The following PKP1 variants were observed in gnomAD, a reference collection of about 807,000 sequenced individuals.
The protein encoded by PKP1 is plakophilin-1.
A neutral mutation model predicts 76.4 loss-of-function variants in PKP1; 27 were observed. The ratio of observed to expected loss-of-function variants is 0.35; its 90% CI spans 0.26 to 0.49. The LOEUF (loss-of-function observed/expected upper bound fraction) is 0.49. Ranked by LOEUF, PKP1 falls within the 20% of genes least tolerant of loss-of-function variation. PKP1 has a pLI of 0.99. For missense variants in PKP1, 964 were observed against 955.2 expected (o/e 1.01, Z -0.12); for synonymous variants, 404 against 384.2 (o/e 1.05, Z -0.60).
At chr1:201,322,205 C>CAGAGGAAAGGGCAGA in intron 8 of PKP1, 72 bp downstream of exon 8, 1 of 1,539,178 alleles carries the variant, frequency 6.5e-7, no homozygotes, top group Non-Finnish European at 8.8e-7. Flanking sequence ...CTCATCTGCC[C>CAGAGGAAAGGGCAGA]TTTCCTCTGG....
intron 1 of PKP1, among the ~76,000 whole-genome samples, chr1:201,291,294 G>A (rs1655910046): frequency 6.6e-6 from 1 of 152,296 alleles, no homozygotes; most frequent in South Asian, 2.1e-4. Flanking sequence ...GCCTGGAAGG[G>A]CCTGCAGGCC....
At chr1:201,286,822 C>T (rs1002749156) in intron 1 of PKP1, among the ~76,000 whole-genome samples, 5 of 152,188 alleles carry the variant, frequency 3.3e-5, no homozygotes, top group Non-Finnish European at 5.9e-5. Flanking sequence ...GGGGATGTCA[C>T]CACCCAGCAA....
rs778090662 is a variant in PKP1 at position 201,317,651 on chromosome 1, G to A, written c.926G>A (p.Gly309Glu). The A allele has an allele frequency of 5.6e-6, 9 of 1,613,878 alleles. No homozygotes were observed. The East Asian group carries it at 2.0e-4, about 36-fold the overall frequency. ...CAGAACGTCCAGCAGGCCGCGGCAGGGGCCCTGCGCAACCTGGTGTTCAGG... is the reference window on the plus strand; with the variant it reads ...CAGAACGTCCAGCAGGCCGCGGCAGAGGCCCTGCGCAACCTGGTGTTCAGG... Reference protein sequence around the residue: ...PNQNVQQAAAGALRNLVFRST... With the variant: ...PNQNVQQAAAEALRNLVFRST... The change falls in exon 5 of 14, where the codon GGG (glycine) becomes GAG (glutamate). Residue 309 changes from glycine (G) to glutamate (E), a missense_variant. Gly to Glu is a moderately conservative substitution (Grantham distance 98). Coordinates refer to ENST00000367324, the MANE Select transcript of PKP1 (RefSeq NM_001005337.3).
chr1:201,314,554 C>G (rs977535179), intron 3 of PKP1, among the ~76,000 whole-genome samples: 1 of 152,210 alleles, frequency 6.6e-6, no homozygotes, highest in African/African-American at 2.4e-5. Context: ...AGCACAACTC[C>G]TGTGCATACA....
chr1:201,313,151 C>A lies in PKP1; in HGVS notation c.307-15C>A. On this transcript the variant is annotated splice_polypyrimidine_tract_variant and intron_variant, in intron 2 of 13. Coordinates refer to ENST00000367324, the MANE Select transcript of PKP1 (RefSeq NM_001005337.3). ...TAGGAACCTTGACTGAGCTTTTCTC[C>A]CTTTCCCTGGCCAGATCTACAATGG... 1 of 1,609,060 alleles carries A rather than the reference C, an allele frequency of 6.2e-7. No individual in the cohort carries two copies. Among genetic ancestry groups the A allele is most frequent in the South Asian group, 1.1e-5 (1 of 90,140 alleles).
Position 201,318,604 on chromosome 1 carries a change from T to C in PKP1, c.1055-14T>C, listed in dbSNP as rs1656841852. 1.2e-6 allele frequency: 2 copies of C among 1,611,714 alleles called. No homozygotes were observed. The highest frequency in any genetic ancestry group is 1.7e-5 in the Admixed American group (1 of 60,002). On this transcript the variant is annotated splice_polypyrimidine_tract_variant and intron_variant, in intron 5 of 13. Transcript: ENST00000367324. ...AGCCTGGCACAAATTGGGTTGATGG[T>C]CTCTGACCCCCAGGGCTGCTCTGGA...
intron 1 of PKP1, among the ~76,000 whole-genome samples, chr1:201,285,885 G>A (rs1655719292): frequency 1.3e-5 from 2 of 152,214 alleles, no homozygotes; most frequent in Admixed American, 6.5e-5. Flanking sequence ...GGGGAGGGTT[G>A]ATGCTGATGG....
chr1:201,285,329 T>C (rs746638400), intron 1 of PKP1, among the ~76,000 whole-genome samples: 4 of 150,992 alleles, frequency 2.6e-5, no homozygotes, highest in Admixed American at 6.6e-5. Context: ...CATTCCTGAG[T>C]GGCCCCTTGT....
intron 12 of PKP1, among the ~76,000 whole-genome samples, 178 bp downstream of exon 12, chr1:201,326,016 C>G (rs1657118147): frequency 1.3e-5 from 2 of 152,162 alleles, no homozygotes; most frequent in Non-Finnish European, 2.9e-5. Context: ...GATCAAGTCT[C>G]TGGGCTCTGA....
intron 2 of PKP1, among the ~76,000 whole-genome samples, chr1:201,303,942 C>G (rs1656303859): frequency 6.6e-6 from 1 of 152,180 alleles, no homozygotes; most frequent in Non-Finnish European, 1.5e-5. Context: ...CCGAGGTGAC[C>G]TGCCCCACGC....
In PKP1 at chr1:201,324,497, C is replaced by A; in HGVS notation, c.1750C>A (p.Gln584Lys). ...CCTGCCACAAATTGCCCGCCTCCTGCAATCTGGCAACTCTGATGTGGTGCG... is the reference window on the plus strand; with the variant it reads ...CCTGCCACAAATTGCCCGCCTCCTGAAATCTGGCAACTCTGATGTGGTGCG... ...KGLPQIARLL[Q>K]SGNSDVVRSG... Residue 584 changes from glutamine to lysine, a missense_variant, in exon 10 of 14, where the codon CAA becomes AAA. By Grantham distance (53) the Gln-to-Lys change is moderately conservative. Coordinates refer to ENST00000367324, the MANE Select transcript of PKP1 (RefSeq NM_001005337.3). The A allele has an allele frequency of 6.2e-7, 1 of 1,614,156 alleles. No individual in the cohort carries two copies. Among genetic ancestry groups the A allele is most frequent in the East Asian group, 2.2e-5 (1 of 44,878 alleles).
Position 201,325,797 on chromosome 1 carries a change from G to A in PKP1, c.2065G>A (p.Asp689Asn). The A allele has an allele frequency of 6.2e-7, 1 of 1,614,118 alleles. No homozygotes were observed. ...AAEAARLLLS[D>N]MWSSKELQGV... ...AGAAGCTGCCCGGCTTCTCCTGTCT[G>A]ACATGTGGTCCAGCAAGGAACTGCA... Residue 689 changes from aspartate to asparagine, a missense_variant, in exon 12 of 14, where the codon GAC (aspartate) becomes AAC (asparagine). Physicochemically the swap from Asp to Asn is conservative, Grantham distance 23 (BLOSUM62 1). Coordinates refer to ENST00000367324, the MANE Select transcript of PKP1 (RefSeq NM_001005337.3).
intron 1 of PKP1, 81 bp from the exon 2 acceptor site, chr1:201,293,861 A>T: frequency 4.5e-6 from 4 of 898,574 alleles, no homozygotes; most frequent in Middle Eastern, 4.3e-4. Context: ...GTGGACCTGG[A>T]TGCAGAAGTG....
chr1:201,283,605 G>C lies in PKP1; in HGVS notation c.-98G>C. The C allele has an allele frequency of 9.4e-7, 1 of 1,067,070 alleles. No homozygotes were observed. Among genetic ancestry groups the C allele is most frequent in the Non-Finnish European group, 1.4e-6 (1 of 711,614 alleles). 66.1% of individuals were successfully genotyped at this position (1,067,070 alleles called of 1,614,324 possible). On this transcript the variant is annotated 5_prime_UTR_variant, in exon 1 of 14. Coordinates refer to ENST00000367324, the MANE Select transcript of PKP1 (RefSeq NM_001005337.3). ...CTATGGCCGTAGGGAGCCGCTGAGAGCGAGAAGAGCACGCTCCTGCCCGCC... is the reference window on the plus strand; with the variant it reads ...CTATGGCCGTAGGGAGCCGCTGAGACCGAGAAGAGCACGCTCCTGCCCGCC...
intron 7 of PKP1, among the ~76,000 whole-genome samples, chr1:201,321,219 T>C (rs907371346): frequency 2.0e-5 from 3 of 152,206 alleles, no homozygotes; most frequent in African/African-American, 4.8e-5. Flanking sequence ...CTCAGCCTGC[T>C]TCCAAAGGGC....
At chr1:201,290,394 A>G (rs1057462818) in intron 1 of PKP1, among the ~76,000 whole-genome samples, 1 of 151,756 alleles carries the variant, frequency 6.6e-6, no homozygotes, top group African/African-American at 2.4e-5. Flanking sequence ...CTCATGCTGC[A>G]TGCACCCATA....
rs145561852 is a variant in PKP1 at position 201,318,692 on chromosome 1, G to A, written c.1129G>A (p.Asp377Asn). ...LIADALPVLADRVIIPFSGWC... is the reference protein window; with the variant it reads ...LIADALPVLANRVIIPFSGWC... ...TGCCGACGCCCTGCCTGTTCTGGCC[G>A]ACCGCGTCATCATTCCCTTCTCTGG... Residue 377 changes from aspartate (D) to asparagine (N), a missense_variant, in exon 6 of 14, where the codon GAC (aspartate) becomes AAC (asparagine). Asp to Asn is a conservative substitution (Grantham distance 23). Transcript: ENST00000367324. The A allele has an allele frequency of 5.0e-4, 812 of 1,612,316 alleles. No homozygotes were observed. The highest frequency in any genetic ancestry group is 6.4e-4 in the Non-Finnish European group (759 of 1,179,896).
rs1013520729 is a variant in PKP1 at position 201,283,618 on chromosome 1, G to C, written c.-85G>C. 1 of 1,205,062 alleles carries C rather than the reference G, an allele frequency of 8.3e-7. No individual in the cohort carries two copies. Among genetic ancestry groups the C allele is most frequent in the Non-Finnish European group, 1.2e-6 (1 of 834,066 alleles). The allele number at this position is 1,205,062 out of a possible 1,614,324, so 74.6% of individuals were successfully genotyped here. A position where few individuals can be genotyped will look rare whatever the true frequency, so the allele number is the denominator to read the frequency against. ...GAGCCGCTGAGAGCGAGAAGAGCAC[G>C]CTCCTGCCCGCCCGCTGCACCGCAC... On this transcript the variant is annotated 5_prime_UTR_variant, in exon 1 of 14. Coordinates refer to ENST00000367324, the MANE Select transcript of PKP1 (RefSeq NM_001005337.3).
chr1:201,312,279 A>G (rs1571553203), intron 2 of PKP1, among the ~76,000 whole-genome samples: 1 of 152,206 alleles, frequency 6.6e-6, no homozygotes, highest in Non-Finnish European at 1.5e-5. Context: ...GCAGAAAAGA[A>G]CAGTAGAAAA....
Sources: gnomAD v4.1 joint callset for allele counts (sites outside exome capture counted in the v4.1 genomes callset) on GRCh38, gnomAD v4.1.1 for gene constraint, MANE v1.5 for transcripts, NCBI Gene and HGNC (gene_info 2026-07-23, HGNC 2026-07-21) for gene names.